Variants in ELMOD2 observed in about 807,000 individuals in gnomAD.
ELMOD2 encodes ELMO domain containing 2.
A neutral mutation model predicts 41.0 loss-of-function variants in ELMOD2; 28 were observed. That is an observed-to-expected ratio of 0.68 (90% CI 0.51 to 0.94). ELMOD2 has a LOEUF of 0.94. Ranked by LOEUF, ELMOD2 falls within the 40% of genes least tolerant of loss-of-function variation. ELMOD2 has a pLI of 0.00. For synonymous variants in ELMOD2, 106 were observed against 107.2 expected, an observed-to-expected ratio of 0.99 and a Z score of 0.07; for missense variants, 333 against 343.1, an observed-to-expected ratio of 0.97 and a Z score of 0.23.
At position 140,552,157 on chromosome 4, in the gene ELMOD2, GT is replaced by G. The variant is rs1454063532; in HGVS notation, c.*1785del. The G allele has an allele frequency of 6.6e-6, 1 of 152,022 alleles. No homozygotes were observed. Among genetic ancestry groups the G allele is most frequent in the East Asian group, 1.9e-4 (1 of 5,200 alleles). The allele number at this position is 152,022 out of a possible 1,614,324, so 9.4% of individuals were successfully genotyped here. A position where few individuals can be genotyped will look rare whatever the true frequency, so the allele number is the denominator to read the frequency against. On this transcript the variant is annotated 3_prime_UTR_variant, in exon 9 of 9. Coordinates refer to ENST00000323570, the MANE Select transcript of ELMOD2 (RefSeq NM_153702.4). ...AAAGCAATTCTGTTCATCTTTTGAT[GT>G]TTGTGTTGAAAATGCTTATCTTTGT...
At chr4:140,541,015 G>GTCC (rs1418929663) in intron 6 of ELMOD2, among the ~76,000 whole-genome samples, 1 of 152,052 alleles carries the variant, frequency 6.6e-6, no homozygotes. Context: ...TCCTGACTTG[G>GTCC]TATAGACTAC....
rs116241256 is a variant in ELMOD2, at chr4:140,533,516, A to T, written c.172-2217A>T. Reference sequence around the variant, plus strand: ...ATACATGAAAACTAATTTAATACGGATGTTAGACCTATGTTTAAGCTAAAA... The same window carrying T: ...ATACATGAAAACTAATTTAATACGGTTGTTAGACCTATGTTTAAGCTAAAA... On this transcript the variant is annotated intron_variant, in intron 3 of 8. Transcript: ENST00000323570. Among the ~76,000 whole-genome samples, 644 of 152,304 alleles carry T rather than the reference A, an allele frequency of 4.2e-3. 1 individual carries two copies. Among genetic ancestry groups the T allele is most frequent in the Non-Finnish European group, 7.5e-3 (508 of 68,016 alleles).
In ELMOD2 at chr4:140,543,485, C is replaced by T; in HGVS notation, c.635C>T (p.Thr212Ile). 1 of 1,604,232 alleles carries T rather than the reference C, an allele frequency of 6.2e-7. No individual in the cohort carries two copies. The highest frequency in any genetic ancestry group is 8.5e-7 in the Non-Finnish European group (1 of 1,177,390). Residue 212 changes from threonine (T) to isoleucine (I), a missense_variant, in exon 8 of 9, where the codon ACA (threonine) becomes ATA (isoleucine). Transcript: ENST00000323570. ...YSYAIVGINL[T>I]EMAYSLLKSE... is the part of the protein sequence containing the mutation. ...TATGCAATAGTTGGAATCAATCTTA[C>T]AGAGATGGCTTATAGCTTACTGAAG... is the stretch of plus-strand genomic sequence containing the variant.
intron 5 of ELMOD2, among the ~76,000 whole-genome samples, chr4:140,538,955 A>G (rs1767389394): frequency 1.3e-5 from 2 of 152,208 alleles, no homozygotes; most frequent in African/African-American, 4.8e-5. Flanking sequence ...CTGAGGCCTT[A>G]TCATTGGCAT....
At chr4:140,545,136 C>CT (rs1322635460) in intron 8 of ELMOD2, among the ~76,000 whole-genome samples, 3 of 152,056 alleles carry the variant, frequency 2.0e-5, no homozygotes, top group African/African-American at 2.4e-5. Context: ...CAGACACCAA[C>CT]TTTTTTTTGC....
At chr4:140,529,771 T>C (rs946461271) in intron 3 of ELMOD2, among the ~76,000 whole-genome samples, 1 of 152,222 alleles carries the variant, frequency 6.6e-6, no homozygotes, top group African/African-American at 2.4e-5. Context: ...AGTTATGACA[T>C]TCTCTATGAG....
intron 5 of ELMOD2, among the ~76,000 whole-genome samples, chr4:140,539,914 GT>G (rs1735053103): frequency 6.6e-6 from 1 of 152,004 alleles, no homozygotes; most frequent in Non-Finnish European, 1.5e-5. Context: ...GGGCATATCT[GT>G]ATTAATTAGT....
Position 140,552,567 on chromosome 4 carries a change from A to G in ELMOD2, c.*2192A>G, listed in dbSNP as rs981345261. The G allele has an allele frequency of 4.6e-5, 7 of 152,086 alleles. No homozygotes were observed. The highest frequency in any genetic ancestry group is 4.6e-4 in the Admixed American group (7 of 15,256). 9.4% of individuals were successfully genotyped at this position (152,086 alleles called of 1,614,324 possible). On this transcript the variant is annotated 3_prime_UTR_variant, in exon 9 of 9. Coordinates refer to ENST00000323570, the MANE Select transcript of ELMOD2 (RefSeq NM_153702.4). ...CTTCAGACTCATGACAATGATATAC[A>G]TGAAAACAAAAATATAATTGTGTCT...
At chr4:140,536,326 C>T (rs965742545) in intron 4 of ELMOD2, among the ~76,000 whole-genome samples, 1 of 152,178 alleles carries the variant, frequency 6.6e-6, no homozygotes, top group Non-Finnish European at 1.5e-5. Context: ...GTTCCCAGCG[C>T]TGGTATGTTG....
chr4:140,549,793 C>T (rs1180083040), intron 8 of ELMOD2, among the ~76,000 whole-genome samples: 1 of 137,658 alleles, frequency 7.3e-6, no homozygotes, highest in African/African-American at 2.7e-5. Flanking sequence ...TCAAGTGATA[C>T]CTTTACCTCA....
Position 140,534,849 on chromosome 4 carries a change from G to A in ELMOD2, c.172-884G>A, listed in dbSNP as rs528789932. On this transcript the variant is annotated intron_variant, in intron 3 of 8. Coordinates refer to ENST00000323570, the MANE Select transcript of ELMOD2 (RefSeq NM_153702.4). ...TGTGAAAGGAAGTAGGTAACTCTAG[G>A]GCTGGGGAAGACTTCACAGAGGAAG... Among the ~76,000 whole-genome samples, 85 of 152,248 alleles carry A rather than the reference G, an allele frequency of 5.6e-4. 1 individual carries two copies. The highest frequency in any genetic ancestry group is 9.7e-4 in the Non-Finnish European group (66 of 68,006).
intron 3 of ELMOD2, among the ~76,000 whole-genome samples, chr4:140,530,827 T>C (rs1169309433): frequency 6.6e-6 from 1 of 152,176 alleles, no homozygotes; most frequent in Non-Finnish European, 1.5e-5. Flanking sequence ...AATCTATTTC[T>C]CATTTTGTGA....
chr4:140,537,639 C>G (rs916292044), intron 5 of ELMOD2, 98 bp downstream of exon 5: 2 of 1,425,886 alleles, frequency 1.4e-6, no homozygotes, highest in African/African-American at 3.0e-5. Flanking sequence ...GCTTATATGG[C>G]TAGGCTTATA....
chr4:140,542,778 A>G, intron 7 of ELMOD2, 136 bp downstream of exon 7: 1 of 610,804 alleles, frequency 1.6e-6, no homozygotes, highest in South Asian at 3.9e-5. Flanking sequence ...ATATTACATG[A>G]TACATTATTT....
chr4:140,534,095 A>G (rs1005513884), intron 3 of ELMOD2, among the ~76,000 whole-genome samples: 8 of 152,162 alleles, frequency 5.3e-5, no homozygotes, highest in African/African-American at 1.7e-4. Context: ...ATGAAAATAT[A>G]TATTTACCAA....
Position 140,540,160 on chromosome 4 carries a change from T to A in ELMOD2, c.400-8T>A, listed in dbSNP as rs762476494. 1.2e-6 allele frequency: 2 copies of A among 1,612,420 alleles called. No individual in the cohort carries two copies. The highest frequency in any genetic ancestry group is 1.7e-6 in the Non-Finnish European group (2 of 1,179,500). ...AAATGTCTTAATAATGGAAATATATTTGTACAGCTTTGGAATCTTCTAATG... is the reference window on the plus strand; with the variant it reads ...AAATGTCTTAATAATGGAAATATATATGTACAGCTTTGGAATCTTCTAATG... On this transcript the variant is annotated splice_region_variant and splice_polypyrimidine_tract_variant and intron_variant, in intron 5 of 8. Transcript: ENST00000323570.
intron 8 of ELMOD2, among the ~76,000 whole-genome samples, chr4:140,546,409 A>C (rs965022758): frequency 6.6e-6 from 1 of 152,196 alleles, no homozygotes; most frequent in Non-Finnish European, 1.5e-5. Context: ...TGGGTGCAGC[A>C]CACCAACATG....
intron 3 of ELMOD2, chr4:140,527,706 G>T: frequency 2.1e-6 from 1 of 486,840 alleles, no homozygotes; most frequent in Non-Finnish European, 3.6e-6. Flanking sequence ...AATTTGTCCT[G>T]TCCTGAGGTT....
chr4:140,532,289 C>G (rs2110834320), intron 3 of ELMOD2, among the ~76,000 whole-genome samples: 1 of 151,018 alleles, frequency 6.6e-6, no homozygotes, highest in African/African-American at 2.4e-5. Context: ...CTCAGTCTTT[C>G]TCGAGTAGCT....
Sources: gnomAD v4.1 joint callset for allele counts (sites outside exome capture counted in the v4.1 genomes callset) on GRCh38, gnomAD v4.1.1 for gene constraint, MANE v1.5 for transcripts, NCBI Gene and HGNC (gene_info 2026-07-23, HGNC 2026-07-21) for gene names.